The following TMEM232 variants were observed in gnomAD, a reference collection of about 807,000 sequenced individuals.
TMEM232 encodes the protein transmembrane protein 232.
In TMEM232, 80 loss-of-function variants were observed where a neutral mutation model predicts 78.8. The observed-to-expected ratio is 1.01, with a 90% CI of 0.85 to 1.22. The LOEUF (loss-of-function observed/expected upper bound fraction) is 1.22, where lower values mean the gene tolerates loss of function less well. Ranked by LOEUF, TMEM232 falls within the 50% of genes most tolerant of loss-of-function variation. TMEM232 has a pLI of 0.00. For missense variants in TMEM232, 881 were observed against 742.2 expected, an observed-to-expected ratio of 1.19 and a Z score of -2.17; for synonymous variants, 297 against 254.3, an observed-to-expected ratio of 1.17 and a Z score of -1.60.
At chr5:110,391,324 TGTGAGA>T (rs1460339036) in intron 3 of TMEM232, among the ~76,000 whole-genome samples, 3 of 132,322 alleles carry the variant, frequency 2.3e-5, no homozygotes, top group African/African-American at 1.0e-4. Context: ...TGTGTGTGTG[TGTGAGA>T]GAGAGAGAGA....
At chr5:110,528,473 T>G in intron 12 of TMEM232, 115 bp downstream of exon 12, 4 of 1,192,282 alleles carry the variant, frequency 3.4e-6, no homozygotes, top group Non-Finnish European at 4.4e-6. Flanking sequence ...CAAGCCAAAA[T>G]TTGAATTGAA....
chr5:110,458,722 G>A, intron 12 of TMEM232, among the ~76,000 whole-genome samples: 1 of 152,176 alleles, frequency 6.6e-6, no homozygotes, highest in Non-Finnish European at 1.5e-5. Flanking sequence ...TAGTTTTTAA[G>A]ACTATATATT....
chr5:110,725,634 TTATACTTTAA>T (rs1357665687), intron 1 of TMEM232: 7 of 152,296 alleles, frequency 4.6e-5, no homozygotes, highest in Non-Finnish European at 8.8e-5. Flanking sequence ...CCAAGAATGT[TTATACTTTAA>T]AGAGAAATGT....
intron 12 of TMEM232, 33 bp downstream of exon 12, chr5:110,528,555 T>A: frequency 6.7e-7 from 1 of 1,493,118 alleles, no homozygotes. Flanking sequence ...TGTAATGTAT[T>A]AGAACAATAA....
chr5:110,462,940 C>A (rs1761697621), intron 12 of TMEM232, among the ~76,000 whole-genome samples: 1 of 152,118 alleles, frequency 6.6e-6, no homozygotes, highest in African/African-American at 2.4e-5. Context: ...GAAATGGTTT[C>A]TTGAGATGGA....
At chr5:110,399,612 A>G (rs1402994981) in intron 2 of TMEM232, among the ~76,000 whole-genome samples, 2 of 152,070 alleles carry the variant, frequency 1.3e-5, no homozygotes, top group Admixed American at 1.3e-4. Flanking sequence ...TGTGTCTGTC[A>G]CCCCTTACCC....
intron 5 of TMEM232, among the ~76,000 whole-genome samples, chr5:110,632,867 C>G (rs1220916012): frequency 1.3e-5 from 2 of 152,142 alleles, no homozygotes; most frequent in African/African-American, 4.8e-5. Flanking sequence ...CTTCACAAGT[C>G]TACCAAGAGA....
rs1012519685 is a variant in TMEM232, at chr5:110,528,805, T to A, written c.1486A>T (p.Thr496Ser). The change falls in exon 12 of 14, where the codon ACT becomes TCT. Residue 496 changes from threonine (T) to serine (S), a missense_variant. Physicochemically the swap from Thr to Ser is moderately conservative, Grantham distance 58. Coordinates refer to ENST00000455884, the MANE Select transcript of TMEM232 (RefSeq NM_001039763.4). ...GATGAAATATTTGTACTATATCTAG[T>A]GAAAGGATCAGTTGGGTCATTTAAC... is the stretch of plus-strand genomic sequence containing the variant. Reference protein sequence around the residue: ...AELNDPTDPFTRYSTNISSNV... With the variant: ...AELNDPTDPFSRYSTNISSNV... 1 of 1,515,978 alleles carries A rather than the reference T, an allele frequency of 6.6e-7. No individual in the cohort carries two copies. Among genetic ancestry groups the A allele is most frequent in the East Asian group, 2.5e-5 (1 of 40,472 alleles). The allele number at this position is 1,515,978 out of a possible 1,614,324, so 93.9% of individuals were successfully genotyped here.
intron 7 of TMEM232, among the ~76,000 whole-genome samples, 191 bp from the exon 8 acceptor site, chr5:110,618,753 C>A (rs1283787192): frequency 1.3e-5 from 2 of 152,078 alleles, no homozygotes; most frequent in Admixed American, 6.6e-5. Flanking sequence ...TAACCCGAAC[C>A]TAATGTATGT....
chr5:110,665,392 G>A (rs184970389), intron 2 of TMEM232, among the ~76,000 whole-genome samples: 9 of 152,128 alleles, frequency 5.9e-5, no homozygotes, highest in Non-Finnish European at 1.0e-4. Context: ...ATAAAGATAC[G>A]ACTTGAGACT....
chr5:110,638,550 C>G (rs894770272), intron 4 of TMEM232, among the ~76,000 whole-genome samples, 195 bp from the exon 5 acceptor site: 13 of 152,242 alleles, frequency 8.5e-5, no homozygotes, highest in African/African-American at 2.9e-4. Context: ...CTTGAGCAGG[C>G]CCTGTGACAG....
intron 1 of TMEM232, among the ~76,000 whole-genome samples, chr5:110,692,895 A>T (rs1028049020): frequency 6.6e-6 from 1 of 152,212 alleles, no homozygotes; most frequent in African/African-American, 2.4e-5. Flanking sequence ...ACAGACAAAG[A>T]AAAGGCAGCA....
chr5:110,483,665 G>T (rs1028789321), intron 12 of TMEM232, among the ~76,000 whole-genome samples: 1 of 151,796 alleles, frequency 6.6e-6, no homozygotes, highest in Admixed American at 6.6e-5. Context: ...TGAGTTAATG[G>T]GTGCAGCACA....
chr5:110,690,082 G>C (rs1051646187), intron 1 of TMEM232, among the ~76,000 whole-genome samples: 1 of 151,920 alleles, frequency 6.6e-6, no homozygotes, highest in African/African-American at 2.4e-5. Context: ...ATGGGCAAAG[G>C]CTTCATGACT....
chr5:110,402,195 C>T (rs78739425), intron 2 of TMEM232, among the ~76,000 whole-genome samples: 3,795 of 152,140 alleles, frequency 0.025, 90 homozygotes, highest in Admixed American at 0.065. Context: ...TTGCAATCCC[C>T]GTTCTAAACC....
intron 10 of TMEM232, among the ~76,000 whole-genome samples, chr5:110,570,370 T>C (rs981554469): frequency 8.5e-5 from 13 of 152,138 alleles, no homozygotes; most frequent in African/African-American, 2.2e-4. Flanking sequence ...TCTTTGTGAA[T>C]AGTCTTGACT....
chr5:110,730,202 G>A (rs536251879), upstream of TMEM232, among the ~76,000 whole-genome samples: 11 of 152,238 alleles, frequency 7.2e-5, no homozygotes, highest in South Asian at 2.1e-4. Context: ...TCACTGACAC[G>A]ATTCAAATTA....
At chr5:110,616,765 C>T (rs778174656) in intron 8 of TMEM232, among the ~76,000 whole-genome samples, 2 of 152,102 alleles carry the variant, frequency 1.3e-5, no homozygotes, top group Admixed American at 6.6e-5. Context: ...TATCACCTCA[C>T]ACCTGTTAGA....
chr5:110,418,725 C>T (rs1028314483), downstream of TMEM232, among the ~76,000 whole-genome samples: 3 of 152,090 alleles, frequency 2.0e-5, no homozygotes, highest in Non-Finnish European at 4.4e-5. Context: ...ATACGCTAAT[C>T]AGAGCAAACA....
Sources: gnomAD v4.1 joint callset for allele counts (sites outside exome capture counted in the v4.1 genomes callset) on GRCh38, gnomAD v4.1.1 for gene constraint, MANE v1.5 for transcripts, NCBI Gene and HGNC (gene_info 2026-07-23, HGNC 2026-07-21) for gene names.